ME1: variants seen among roughly 807,000 people sequenced by gnomAD.
ME1 encodes NADP-dependent malic enzyme.
ME1 carries 74 observed loss-of-function variants against 66.4 expected under a neutral mutation model. The ratio of observed to expected loss-of-function variants is 1.11; its 90% CI spans 0.92 to 1.35. The LOEUF (loss-of-function observed/expected upper bound fraction) is 1.35, where lower values mean the gene tolerates loss of function less well. Ranked by LOEUF, ME1 falls within the 40% of genes most tolerant of loss-of-function variation. ME1 has a pLI of 0.00. For synonymous variants in ME1, 251 were observed against 235.6 expected, an observed-to-expected ratio of 1.07 and a Z score of -0.60; for missense variants, 750 against 694.1, an observed-to-expected ratio of 1.08 and a Z score of -0.90.
intron 3 of ME1, among the ~76,000 whole-genome samples, chr6:83,378,281 T>G (rs764086364): frequency 6.6e-6 from 1 of 152,020 alleles, no homozygotes; most frequent in Non-Finnish European, 1.5e-5. Flanking sequence ...CAAAGCTCAA[T>G]AGGAAAAACT....
intron 5 of ME1, among the ~76,000 whole-genome samples, chr6:83,319,299 A>T (rs1768107797): frequency 6.6e-6 from 1 of 151,718 alleles, no homozygotes; most frequent in East Asian, 1.9e-4. Flanking sequence ...AACTTAAAGT[A>T]TAATAATAAA....
intron 5 of ME1, among the ~76,000 whole-genome samples, chr6:83,320,420 A>C (rs1768128840): frequency 6.6e-6 from 1 of 152,238 alleles, no homozygotes; most frequent in African/African-American, 2.4e-5. Context: ...GTATTGCATA[A>C]GAAGAGTTAA....
At chr6:83,402,153 G>A (rs187547124) in intron 2 of ME1, among the ~76,000 whole-genome samples, 1 of 152,328 alleles carries the variant, frequency 6.6e-6, no homozygotes, top group Admixed American at 6.5e-5. Context: ...TGGCTTGACA[G>A]AACAGTGGAA....
chr6:83,218,684 A>G (rs1310185249), intron 12 of ME1, among the ~76,000 whole-genome samples: 1 of 152,216 alleles, frequency 6.6e-6, no homozygotes, highest in Non-Finnish European at 1.5e-5. Flanking sequence ...TAGTGGAGTT[A>G]ATAATCGAGT....
Position 83,227,398 on chromosome 6 carries a change from A to C in ME1, c.1212T>G (p.Phe404Leu). 1 of 1,607,436 alleles carries C rather than the reference A, an allele frequency of 6.2e-7. No individual in the cohort carries two copies. Among genetic ancestry groups the C allele is most frequent in the South Asian group, 1.1e-5 (1 of 90,056 alleles). The change falls in exon 11 of 14, where the codon TTT (phenylalanine) becomes TTG (leucine). Residue 404 changes from phenylalanine to leucine, a missense_variant. Transcript: ENST00000369705. Reference protein sequence around the residue: ...MAAFNERPIIFALSNPTSKAE... With the variant: ...MAAFNERPIILALSNPTSKAE... The stretch of plus-strand genomic sequence containing the variant: ...CTTTGCTAGTTGGATTACTCAAAGC[A>C]AAAATAATAGGCCGTTCATTGAAGG...
At chr6:83,302,960 C>A (rs1396505187) in intron 6 of ME1, among the ~76,000 whole-genome samples, 2 of 151,588 alleles carry the variant, frequency 1.3e-5, no homozygotes, top group South Asian at 2.1e-4. Context: ...CAGAAGTTAC[C>A]GAGATGGTGT....
intron 6 of ME1, among the ~76,000 whole-genome samples, chr6:83,282,870 C>T (rs1225095588): frequency 6.6e-6 from 1 of 152,044 alleles, no homozygotes; most frequent in Non-Finnish European, 1.5e-5. Context: ...AAATGTCCAT[C>T]AATGATAGAC....
At chr6:83,357,389 T>A (rs1013115647) in intron 3 of ME1, among the ~76,000 whole-genome samples, 1 of 152,246 alleles carries the variant, frequency 6.6e-6, no homozygotes, top group Non-Finnish European at 1.5e-5. Flanking sequence ...TATGGGCTCA[T>A]AGTTTATTAT....
chr6:83,262,001 G>A (rs1257842351), intron 6 of ME1, among the ~76,000 whole-genome samples: 9 of 123,560 alleles, frequency 7.3e-5, no homozygotes, highest in South Asian at 2.5e-4. Context: ...GCAACAGAGC[G>A]AGAATCCATC....
At chr6:83,254,666 T>A (rs1206296692) in intron 6 of ME1, among the ~76,000 whole-genome samples, 2 of 152,148 alleles carry the variant, frequency 1.3e-5, no homozygotes, top group Non-Finnish European at 2.9e-5. Flanking sequence ...TATGTCTATT[T>A]TCTTCCTCAA....
chr6:83,351,792 T>A (rs1768807179), intron 4 of ME1, among the ~76,000 whole-genome samples: 1 of 152,132 alleles, frequency 6.6e-6, no homozygotes, highest in Non-Finnish European at 1.5e-5. Flanking sequence ...TTAAAGAAAT[T>A]CAGATGCTAT....
intron 4 of ME1, among the ~76,000 whole-genome samples, chr6:83,349,094 A>G (rs940899370): frequency 1.3e-5 from 2 of 151,420 alleles, no homozygotes; most frequent in Non-Finnish European, 2.9e-5. Context: ...ATTATTTAAT[A>G]ATATACATAT....
At chr6:83,285,448 G>C (rs1143795) in intron 6 of ME1, among the ~76,000 whole-genome samples, 33,908 of 152,054 alleles carry the variant, frequency 0.22, 4,159 homozygotes, top group Middle Eastern at 0.4. Context: ...AGTTTTTATT[G>C]TACTTGCTGA....
chr6:83,349,937 A>G (rs576575804), intron 4 of ME1, among the ~76,000 whole-genome samples: 18 of 152,316 alleles, frequency 1.2e-4, no homozygotes, highest in Non-Finnish European at 2.2e-4. Context: ...AGAATAGTAT[A>G]TTCTTCCCTT....
At chr6:83,273,413 T>TA (rs1230106955) in intron 6 of ME1, among the ~76,000 whole-genome samples, 1 of 152,168 alleles carries the variant, frequency 6.6e-6, no homozygotes, top group African/African-American at 2.4e-5. Context: ...CAAGTTCTTT[T>TA]AAGACTTGTT....
chr6:83,238,452 T>G (rs965836278), intron 8 of ME1, among the ~76,000 whole-genome samples: 5 of 152,116 alleles, frequency 3.3e-5, no homozygotes, highest in African/African-American at 1.2e-4. Flanking sequence ...TCTGCCTAGT[T>G]GAGTATCAAG....
chr6:83,304,225 G>A (rs1767783990), intron 6 of ME1, among the ~76,000 whole-genome samples: 1 of 152,106 alleles, frequency 6.6e-6, no homozygotes, highest in Non-Finnish European at 1.5e-5. Flanking sequence ...TGGTGGAGCT[G>A]AGGATTGACT....
At chr6:83,278,481 G>A (rs929416049) in intron 6 of ME1, among the ~76,000 whole-genome samples, 7 of 152,216 alleles carry the variant, frequency 4.6e-5, no homozygotes, top group Admixed American at 2.0e-4. Context: ...TTGCTCTGTC[G>A]CCCAGGCTAG....
At chr6:83,222,508 G>A (rs933261056) in intron 12 of ME1, among the ~76,000 whole-genome samples, 2 of 152,166 alleles carry the variant, frequency 1.3e-5, no homozygotes, top group African/African-American at 4.8e-5. Context: ...CAGCTGCAAA[G>A]GTTTAATCGT....
Sources: gnomAD v4.1 joint callset for allele counts (sites outside exome capture counted in the v4.1 genomes callset) on GRCh38, gnomAD v4.1.1 for gene constraint, MANE v1.5 for transcripts, NCBI Gene and HGNC (gene_info 2026-07-23, HGNC 2026-07-21) for gene names.